The following CPQ variants were observed in gnomAD, a reference collection of about 807,000 sequenced individuals.
The protein encoded by CPQ is carboxypeptidase Q.
A neutral mutation model predicts 45.7 loss-of-function variants in CPQ; 37 were observed. The ratio of observed to expected loss-of-function variants is 0.81; its 90% confidence interval spans 0.62 to 1.07. The LOEUF (loss-of-function observed/expected upper bound fraction) is 1.07, where lower values mean the gene tolerates loss of function less well. Ranked by LOEUF, CPQ falls within the 50% of genes least tolerant of loss-of-function variation. The probability of loss-of-function intolerance (pLI) is 0.00; values close to 1 mark genes in which losing one functional copy is unlikely to be tolerated. For synonymous variants in CPQ, 186 were observed against 205.8 expected, an observed-to-expected ratio of 0.90 and a Z score of 0.82; for missense variants, 537 against 572.9, an observed-to-expected ratio of 0.94 and a Z score of 0.64.
At chr8:96,995,128 C>G (rs924274010) in intron 5 of CPQ, among the ~76,000 whole-genome samples, 11 of 152,068 alleles carry the variant, frequency 7.2e-5, no homozygotes, top group Admixed American at 5.3e-4. Flanking sequence ...CCAGCTCTAT[C>G]ACTTGTTGGG....
chr8:96,645,401 A>C lies in CPQ; in HGVS notation c.-36A>C, dbSNP rs1224997883. 6.6e-6 allele frequency: 1 copy of C among 152,670 alleles called. No individual in the cohort carries two copies. Among genetic ancestry groups the C allele is most frequent in the African/African-American group, 2.4e-5 (1 of 41,460 alleles). 9.5% of individuals were successfully genotyped at this position (152,670 alleles called of 1,614,324 possible). ...TCGCCGCCGTCAGAGCCGCCCTATCAGGTGTGTTTGCAGCCGAACTGGCAG... is the reference window on the plus strand; with the variant it reads ...TCGCCGCCGTCAGAGCCGCCCTATCCGGTGTGTTTGCAGCCGAACTGGCAG... On this transcript the variant is annotated splice_region_variant and 5_prime_UTR_variant, in exon 1 of 8. Transcript: ENST00000220763.
chr8:96,877,497 C>T (rs183877885), intron 3 of CPQ, among the ~76,000 whole-genome samples: 9 of 152,172 alleles, frequency 5.9e-5, no homozygotes, highest in African/African-American at 1.7e-4. Context: ...CCAGACATCA[C>T]GTAAGGTAAT....
At chr8:96,660,057 A>C (rs1451635106) in intron 1 of CPQ, among the ~76,000 whole-genome samples, 3 of 152,176 alleles carry the variant, frequency 2.0e-5, no homozygotes, top group Non-Finnish European at 4.4e-5. Flanking sequence ...ATTAAGGTAT[A>C]TTTCTAGGTG....
At chr8:96,971,196 A>AT (rs1813672089) in intron 5 of CPQ, among the ~76,000 whole-genome samples, 2 of 152,096 alleles carry the variant, frequency 1.3e-5, no homozygotes, top group African/African-American at 4.8e-5. Flanking sequence ...TTCATTCTAG[A>AT]TTTTCTAGGC....
intron 2 of CPQ, among the ~76,000 whole-genome samples, chr8:96,814,960 G>A (rs1811206883): frequency 6.6e-6 from 1 of 152,070 alleles, no homozygotes. Flanking sequence ...GCAAAGACAT[G>A]GAAATAGAAA....
At chr8:97,055,742 C>G (rs1360993076) in intron 6 of CPQ, 1 of 152,142 alleles carries the variant, frequency 6.6e-6, no homozygotes, top group Non-Finnish European at 1.5e-5. Flanking sequence ...ACCAACTCTA[C>G]CAGCACCTTG....
chr8:96,731,853 T>G (rs1809918086), intron 1 of CPQ, among the ~76,000 whole-genome samples: 1 of 152,136 alleles, frequency 6.6e-6, no homozygotes, highest in African/African-American at 2.4e-5. Context: ...TCTTCCCTAT[T>G]TTTTTGTTCC....
chr8:96,851,237 C>T (rs1478552382), intron 3 of CPQ, among the ~76,000 whole-genome samples: 1 of 152,176 alleles, frequency 6.6e-6, no homozygotes, highest in Non-Finnish European at 1.5e-5. Context: ...GATAACTAAA[C>T]TACAAATGAA....
intron 7 of CPQ, among the ~76,000 whole-genome samples, chr8:97,116,806 A>G (rs1297552361): frequency 1.3e-5 from 2 of 152,226 alleles, no homozygotes; most frequent in Admixed American, 1.3e-4. Context: ...CAAATTTGCA[A>G]AACCAGAATC....
At chr8:97,112,154 T>A (rs963959240) in intron 7 of CPQ, among the ~76,000 whole-genome samples, 1 of 132,998 alleles carries the variant, frequency 7.5e-6, no homozygotes, top group Non-Finnish European at 1.6e-5. Context: ...TATTTTTATT[T>A]TTTTTTTATT....
intron 7 of CPQ, among the ~76,000 whole-genome samples, chr8:97,098,152 G>T (rs939026344): frequency 1.3e-5 from 2 of 152,190 alleles, no homozygotes; most frequent in African/African-American, 4.8e-5. Context: ...AAAGAATGCA[G>T]TCTTCCCAAC....
intron 7 of CPQ, among the ~76,000 whole-genome samples, chr8:97,079,712 T>C (rs1810914024): frequency 6.6e-6 from 1 of 152,084 alleles, no homozygotes; most frequent in African/African-American, 2.4e-5. Context: ...TGCCGGGGCC[T>C]CACAAAGAGG....
At chr8:97,101,223 G>A (rs1215725573) in intron 7 of CPQ, among the ~76,000 whole-genome samples, 1 of 151,938 alleles carries the variant, frequency 6.6e-6, no homozygotes, top group Non-Finnish European at 1.5e-5. Context: ...TGCCATAAAA[G>A]ATAAAGTACG....
chr8:97,130,030 C>A (rs995232931), intron 7 of CPQ, among the ~76,000 whole-genome samples: 1 of 152,198 alleles, frequency 6.6e-6, no homozygotes, highest in African/African-American at 2.4e-5. Context: ...TAACTGTGAT[C>A]ATTCTGAGTA....
intron 7 of CPQ, among the ~76,000 whole-genome samples, chr8:97,100,547 T>C (rs1320152154): frequency 6.6e-6 from 1 of 152,126 alleles, no homozygotes; most frequent in East Asian, 1.9e-4. Context: ...ATCTATCTGG[T>C]TTTGTGTCCT....
rs376871751 is a variant in CPQ, at chr8:97,135,901, T to A, written c.1256-7119T>A. 5.3e-5 allele frequency among the ~76,000 whole-genome samples: 8 copies of A among 152,360 alleles called. No individual in the cohort carries two copies. The East Asian group carries it at 9.6e-4, about 18-fold the overall frequency. Reference sequence around the variant, plus strand: ...ACACAAATTGCTTAATTTGTGTACATGAAAACTCACTGATTACATATGAAT... The same window carrying A: ...ACACAAATTGCTTAATTTGTGTACAAGAAAACTCACTGATTACATATGAAT... On this transcript the variant is annotated intron_variant, in intron 7 of 7. Coordinates refer to ENST00000220763, the MANE Select transcript of CPQ (RefSeq NM_016134.4).
intron 4 of CPQ, among the ~76,000 whole-genome samples, chr8:96,911,721 T>C (rs561800634): frequency 2.0e-5 from 3 of 152,204 alleles, no homozygotes; most frequent in African/African-American, 4.8e-5. Context: ...CTACTGACCA[T>C]GTATAGAAAA....
At chr8:96,904,758 T>C (rs1331529621) in intron 4 of CPQ, among the ~76,000 whole-genome samples, 1 of 152,130 alleles carries the variant, frequency 6.6e-6, no homozygotes, top group Non-Finnish European at 1.5e-5. Flanking sequence ...ATGCACAGTT[T>C]AGGACAACTT....
intron 1 of CPQ, among the ~76,000 whole-genome samples, chr8:96,678,993 T>C (rs1010665005): frequency 2.6e-5 from 4 of 152,070 alleles, no homozygotes; most frequent in African/African-American, 9.6e-5. Context: ...TCTAATGTCC[T>C]GAATTGCTTC....
Sources: gnomAD v4.1 joint callset for allele counts (sites outside exome capture counted in the v4.1 genomes callset) on GRCh38, gnomAD v4.1.1 for gene constraint, MANE v1.5 for transcripts, NCBI Gene and HGNC (gene_info 2026-07-23, HGNC 2026-07-21) for gene names.